SNX10: variants seen among roughly 807,000 people sequenced by gnomAD.
SNX10 encodes the protein sorting nexin-10.
SNX10 carries 25 observed loss-of-function variants against 28.5 expected under a neutral mutation model. The ratio of observed to expected loss-of-function variants is 0.88; its 90% confidence interval spans 0.64 to 1.22. The LOEUF (loss-of-function observed/expected upper bound fraction) is 1.22, where lower values mean the gene tolerates loss of function less well. Among genes scored for constraint, SNX10 ranks in the 50% most tolerant of loss-of-function variants. The pLI is 0.00. For missense variants in SNX10, 223 were observed against 242.6 expected (o/e 0.92, Z 0.54); for synonymous variants, 62 against 81.4 (o/e 0.76, Z 1.28).
At chr7:26,348,883 A>G (rs1788491156) in intron 2 of SNX10, among the ~76,000 whole-genome samples, 1 of 152,136 alleles carries the variant, frequency 6.6e-6, no homozygotes, top group Non-Finnish European at 1.5e-5. Flanking sequence ...CTCTTCCCCT[A>G]GCCTTTGTAC....
intron 1 of SNX10, among the ~76,000 whole-genome samples, chr7:26,305,235 GTCT>G (rs1447756160): frequency 2.0e-5 from 3 of 152,022 alleles, no homozygotes; most frequent in Non-Finnish European, 4.4e-5. Flanking sequence ...GTGAGCTCCA[GTCT>G]TCTTCCTCTG....
At chr7:26,368,766 C>T (rs1789391693) in intron 5 of SNX10, among the ~76,000 whole-genome samples, 1 of 152,112 alleles carries the variant, frequency 6.6e-6, no homozygotes, top group South Asian at 2.1e-4. Context: ...TCATGAATGT[C>T]TTCAATGAAG....
At chr7:26,307,962 C>T (rs1786663288) in intron 1 of SNX10, among the ~76,000 whole-genome samples, 1 of 152,176 alleles carries the variant, frequency 6.6e-6, no homozygotes, top group East Asian at 1.9e-4. Flanking sequence ...GAATCACTGC[C>T]ATCATGTCAA....
chr7:26,359,202 A>T (rs1452818898), intron 2 of SNX10, among the ~76,000 whole-genome samples: 1 of 152,192 alleles, frequency 6.6e-6, no homozygotes, highest in African/African-American at 2.4e-5. Context: ...TGTCTACTAA[A>T]GACAAGTAGT....
intron 1 of SNX10, among the ~76,000 whole-genome samples, chr7:26,343,998 C>A (rs927550800): frequency 2.3e-4 from 35 of 152,028 alleles, no homozygotes; most frequent in African/African-American, 8.4e-4. Context: ...TAAAATGTAC[C>A]ATCTGATCCA....
Position 26,335,735 on chromosome 7 carries a change from C to CTTTTTTTTTTTTT in SNX10, c.-23-10671_-23-10659dup, listed in dbSNP as rs57340085. Among the ~76,000 whole-genome samples, 433 of 84,262 alleles carry CTTTTTTTTTTTTT rather than the reference C, an allele frequency of 5.1e-3. 41 individuals carry two copies. Among genetic ancestry groups the CTTTTTTTTTTTTT allele is most frequent in the Admixed American group, 7.5e-3 (52 of 6,960 alleles). The allele number at this position is 84,262 out of a possible 152,430, so 55.3% of individuals were successfully genotyped here. ...AAAATAACCTCGCAGATGGAATATT[C>CTTTTTTTTTTTTT]TTTTTTTTTTTTTTTTTTTTTTTTT... On this transcript the variant is annotated intron_variant, in intron 1 of 6. Coordinates refer to ENST00000338523, the MANE Select transcript of SNX10 (RefSeq NM_013322.3).
At chr7:26,325,145 G>C (rs1194850202) in intron 1 of SNX10, among the ~76,000 whole-genome samples, 1 of 151,314 alleles carries the variant, frequency 6.6e-6, no homozygotes, top group Non-Finnish European at 1.5e-5. Flanking sequence ...ACCTTTTTCT[G>C]TGACTAATAA....
intron 1 of SNX10, among the ~76,000 whole-genome samples, chr7:26,345,623 G>A (rs1301038225): frequency 5.9e-5 from 9 of 152,170 alleles, no homozygotes; most frequent in East Asian, 3.8e-4. Context: ...CTGGGAATAC[G>A]TGTGGGGGAT....
At position 26,346,363 on chromosome 7, in the gene SNX10, G is replaced by T. The variant is rs538336642; in HGVS notation, c.-23-57G>T. 7.7e-6 allele frequency: 8 copies of T among 1,039,060 alleles called. No homozygotes were observed. The Admixed American group carries it at 1.0e-4, about 13-fold the overall frequency. 64.4% of individuals were successfully genotyped at this position (1,039,060 alleles called of 1,614,324 possible). On this transcript the variant is annotated intron_variant, in intron 1 of 6. Coordinates refer to ENST00000338523, the MANE Select transcript of SNX10 (RefSeq NM_013322.3). ...ATTTGGGTGGGAGGCCATGAGTGGT[G>T]TATCCACTCCAGTTTGGAGGTTCCA...
At chr7:26,312,903 CAAAGAT>C (rs1472926353) in intron 1 of SNX10, among the ~76,000 whole-genome samples, 1 of 152,038 alleles carries the variant, frequency 6.6e-6, no homozygotes, top group Non-Finnish European at 1.5e-5. Flanking sequence ...CTAGGATTGA[CAAAGAT>C]AAAACATTTT....
At chr7:26,330,310 G>T (rs536850828) in intron 1 of SNX10, among the ~76,000 whole-genome samples, 13 of 152,250 alleles carry the variant, frequency 8.5e-5, no homozygotes, top group African/African-American at 3.1e-4. Flanking sequence ...AGGAAATGAG[G>T]GGGAGGAGGT....
chr7:26,316,097 T>C (rs1735853977), intron 1 of SNX10, among the ~76,000 whole-genome samples: 1 of 147,318 alleles, frequency 6.8e-6, no homozygotes, highest in Non-Finnish European at 1.5e-5. Context: ...GGCAGGAGAA[T>C]GGCGTGAACC....
rs1341880933 is a variant in SNX10, at chr7:26,372,241, G to C, written c.524+208G>C. 8.5e-6 allele frequency: 5 copies of C among 588,180 alleles called. No homozygotes were observed. In the African/African-American group the frequency reaches 9.3e-5, roughly 11 times the overall value. 36.4% of individuals were successfully genotyped at this position (588,180 alleles called of 1,614,324 possible). A position where few individuals can be genotyped will look rare whatever the true frequency, so the allele number is the denominator to read the frequency against. ...ACACCTCCACACTGAATTAATGAAT[G>C]CAGTAGAAATTCAATTATTTGCATT... On this transcript the variant is annotated intron_variant, in intron 6 of 6. Transcript: ENST00000338523.
At chr7:26,326,715 T>A (rs1188157397) in intron 1 of SNX10, among the ~76,000 whole-genome samples, 1 of 152,164 alleles carries the variant, frequency 6.6e-6, no homozygotes, top group Non-Finnish European at 1.5e-5. Flanking sequence ...TTTTTGTTTT[T>A]TAAATATAAT....
intron 6 of SNX10, 53 bp from the exon 7 acceptor site, chr7:26,372,438 T>A (rs370676560): frequency 9.0e-7 from 1 of 1,112,750 alleles, no homozygotes; most frequent in African/African-American, 1.5e-5. Context: ...TTTGAGTGTG[T>A]TGTGAAAACC....
chr7:26,316,509 A>G (rs187650169), intron 1 of SNX10, among the ~76,000 whole-genome samples: 3 of 152,366 alleles, frequency 2.0e-5, no homozygotes, highest in African/African-American at 7.2e-5. Context: ...GGGAAAACAA[A>G]TGACAAACTG....
chr7:26,344,175 A>ATTTTTTT (rs35200460), intron 1 of SNX10, among the ~76,000 whole-genome samples: 2 of 114,110 alleles, frequency 1.8e-5, no homozygotes, highest in African/African-American at 3.6e-5. Flanking sequence ...CTGTCTCTGA[A>ATTTTTTT]TTTTTTTTTT....
chr7:26,353,849 T>C (rs562194429), intron 2 of SNX10, among the ~76,000 whole-genome samples: 39 of 152,102 alleles, frequency 2.6e-4, no homozygotes, highest in Non-Finnish European at 4.7e-4. Context: ...GTCTCCAGTG[T>C]AAATACATGA....
intron 1 of SNX10, among the ~76,000 whole-genome samples, chr7:26,299,222 G>C (rs903342468): frequency 6.6e-6 from 1 of 151,964 alleles, no homozygotes; most frequent in African/African-American, 2.4e-5. Flanking sequence ...TTGAGATGGA[G>C]TCTCGCTCTG....
Sources: allele counts gnomAD v4.1 joint callset (sites outside exome capture counted in the v4.1 genomes callset), GRCh38; gene constraint gnomAD v4.1.1; transcripts MANE v1.5; gene names NCBI Gene and HGNC (gene_info 2026-07-23, HGNC 2026-07-21).